Variants in CHM observed in about 807,000 individuals in gnomAD.
CHM encodes CHM Rab escort protein.
In CHM, 10 loss-of-function variants were observed where a neutral mutation model predicts 49.0. The ratio of observed to expected loss-of-function variants is 0.20; its 90% confidence interval spans 0.13 to 0.35. CHM has a LOEUF of 0.35. CHM is among the 10% of genes least tolerant of loss of function. CHM has a pLI of 1.00. For missense variants in CHM, 455 were observed against 478.4 expected, an observed-to-expected ratio of 0.95 and a Z score of 0.46; for synonymous variants, 184 against 167.5, an observed-to-expected ratio of 1.10 and a Z score of -0.76.
chrX:86,021,546 C>T (rs940288204), intron 2 of CHM, among the ~76,000 whole-genome samples: 1 of 110,143 alleles, frequency 9.1e-6, no homozygotes, highest in African/African-American at 3.3e-5. Flanking sequence ...ATACAACTTC[C>T]CAATAAAGCC....
intron 11 of CHM, among the ~76,000 whole-genome samples, chrX:85,895,626 A>G (rs1925781411): frequency 8.9e-6 from 1 of 112,261 alleles, no homozygotes; most frequent in African/African-American, 3.2e-5. Context: ...TGGCCCAAAG[A>G]GGAAACACCT....
At chrX:85,983,679 A>G (rs906580321) in intron 2 of CHM, among the ~76,000 whole-genome samples, 4 of 111,862 alleles carry the variant, frequency 3.6e-5, no homozygotes, top group Non-Finnish European at 7.5e-5. Flanking sequence ...AATGGGTGAA[A>G]GCTTCAAGAT....
rs769671149 is a variant in CHM at position 85,909,736 on chromosome X, A to AAAAC, written c.1244+1521_1244+1524dup. 2.1e-4 allele frequency among the ~76,000 whole-genome samples: 24 copies of AAAAC among 112,232 alleles called. No homozygotes were observed. In the East Asian group the frequency reaches 2.5e-3, roughly 12 times the overall value. On this transcript the variant is annotated intron_variant, in intron 9 of 14. Coordinates refer to ENST00000357749, the MANE Select transcript of CHM (RefSeq NM_000390.4). ...AATTACTATACTAGCATACCTTTAA[A>AAAAC]AAACAAACAAACAAACAAACATGAG... is the stretch of plus-strand genomic sequence containing the variant.
At chrX:85,964,932 C>T (rs1930497563) in intron 4 of CHM, among the ~76,000 whole-genome samples, 1 of 112,619 alleles carries the variant, frequency 8.9e-6, no homozygotes, top group Admixed American at 9.3e-5. Context: ...TGGCAGAATG[C>T]CTTGTATGTG....
chrX:85,878,539 A>T (rs1924557895), intron 13 of CHM, among the ~76,000 whole-genome samples: 1 of 111,255 alleles, frequency 9.0e-6, no homozygotes, highest in Admixed American at 9.6e-5. Flanking sequence ...TTAATATTTT[A>T]ATCTGTTAGT....
rs1923563550 is a variant in CHM at position 85,864,454 on chromosome X, T to C, written c.*176A>G. On this transcript the variant is annotated 3_prime_UTR_variant, in exon 15 of 15. Transcript: ENST00000357749. ...TGAGCAAGTCAATGTGCTTTATAAG[T>C]GTTGTGTGTTCTTGGAATGTCCTCT... 2.1e-6 allele frequency: 1 copy of C among 465,271 alleles called. No individual in the cohort carries two copies. Among genetic ancestry groups the C allele is most frequent in the South Asian group, 3.1e-5 (1 of 32,111 alleles). The allele number at this position is 465,271 out of a possible 1,213,427, so 38.3% of individuals were successfully genotyped here. A position where few individuals can be genotyped will look rare whatever the true frequency, so the allele number is the denominator to read the frequency against.
chrX:85,996,511 G>A (rs762837928), intron 2 of CHM, among the ~76,000 whole-genome samples: 9 of 111,603 alleles, frequency 8.1e-5, no homozygotes, highest in African/African-American at 2.9e-4. Flanking sequence ...CCTGTGAAAG[G>A]AAAATAAATC....
At chrX:85,985,428 C>T (rs1490664114) in intron 2 of CHM, among the ~76,000 whole-genome samples, 1 of 112,562 alleles carries the variant, frequency 8.9e-6, no homozygotes, top group Non-Finnish European at 1.9e-5. Context: ...AAGGAAGCTC[C>T]CAGAGGGAGG....
chrX:85,864,902 A>G, intron 14 of CHM, 81 bp from the exon 15 acceptor site: 1 of 977,107 alleles, frequency 1.0e-6, no homozygotes, highest in Non-Finnish European at 1.4e-6. Context: ...ACTAAAAAAA[A>G]ATAAGTGTTT....
intron 8 of CHM, among the ~76,000 whole-genome samples, chrX:85,945,667 C>T (rs1326935955): frequency 9.2e-6 from 1 of 108,931 alleles, no homozygotes; most frequent in African/African-American, 3.4e-5. Flanking sequence ...CAAGAACTGA[C>T]TAATACAGAA....
At chrX:85,873,251 C>T (rs1217830787) in intron 13 of CHM, 39 bp from the exon 14 acceptor site, 1 of 997,755 alleles carries the variant, frequency 1.0e-6, no homozygotes, top group Non-Finnish European at 1.4e-6. Context: ...TTCTAAAATA[C>T]AATATGTTTG....
intron 12 of CHM, among the ~76,000 whole-genome samples, chrX:85,884,581 A>G (rs1924973685): frequency 9.0e-6 from 1 of 111,311 alleles, no homozygotes; most frequent in Admixed American, 9.6e-5. Flanking sequence ...TGAACTATTT[A>G]TTTGCCTTTC....
At chrX:85,996,129 CT>C (rs1225214178) in intron 2 of CHM, among the ~76,000 whole-genome samples, 1 of 111,975 alleles carries the variant, frequency 8.9e-6, no homozygotes, top group Admixed American at 9.5e-5. Context: ...TTTTATTTTA[CT>C]TTTGCTGTAA....
At chrX:85,972,262 G>A (rs766072911) in intron 4 of CHM, among the ~76,000 whole-genome samples, 8 of 113,150 alleles carry the variant, frequency 7.1e-5, no homozygotes, top group Middle Eastern at 4.6e-3. Context: ...GACTCTCCAC[G>A]TCCCCACCAG....
Position 85,963,969 on chromosome X carries a change from G to A in CHM, c.398C>T (p.Ala133Val), listed in dbSNP as rs867484071. The A allele has an allele frequency of 1.7e-6, 2 of 1,207,950 alleles. No homozygotes were observed. The highest frequency in any genetic ancestry group is 3.5e-5 in the African/African-American group (2 of 56,877). The change falls in exon 5 of 15, where the codon GCT becomes GTT. Residue 133 changes from alanine to valine, a missense_variant. Transcript: ENST00000357749. ...ALVTSANSTEAADSAFLPTED... is the reference protein window; with the variant it reads ...ALVTSANSTEVADSAFLPTED... ...CGTAGGCAGGAAGGCAGAATCTGCAGCTTCTGTGGAGTTTGCAGATGTCAC... is the reference window on the plus strand; with the variant it reads ...CGTAGGCAGGAAGGCAGAATCTGCAACTTCTGTGGAGTTTGCAGATGTCAC...
At chrX:85,911,176 A>ATAT (rs1926960599) in intron 9 of CHM, 85 bp downstream of exon 9, 1 of 23,402 alleles carries the variant, frequency 4.3e-5, no homozygotes, top group Non-Finnish European at 1.2e-4. Context: ...TATATATATG[A>ATAT]ATATATATAT....
intron 1 of CHM, among the ~76,000 whole-genome samples, chrX:86,028,779 C>A (rs1402253633): frequency 2.7e-5 from 3 of 110,898 alleles, no homozygotes; most frequent in African/African-American, 9.8e-5. Flanking sequence ...AAGTTTAGTG[C>A]AATTCTATAG....
intron 2 of CHM, among the ~76,000 whole-genome samples, chrX:85,991,665 C>T (rs1004451659): frequency 8.1e-5 from 9 of 110,878 alleles, no homozygotes; most frequent in East Asian, 2.8e-4. Flanking sequence ...CTTCTCAGCA[C>T]GATTAAATAT....
At chrX:85,895,051 A>G (rs1925727708) in intron 11 of CHM, among the ~76,000 whole-genome samples, 1 of 110,873 alleles carries the variant, frequency 9.0e-6, no homozygotes, top group South Asian at 3.8e-4. Flanking sequence ...ATTTATATGT[A>G]GTATGCTATC....
Sources: allele counts gnomAD v4.1 joint callset (sites outside exome capture counted in the v4.1 genomes callset), GRCh38; gene constraint gnomAD v4.1.1; transcripts MANE v1.5; gene names NCBI Gene and HGNC (gene_info 2026-07-23, HGNC 2026-07-21).